RNF115: variants seen among roughly 807,000 people sequenced by gnomAD.
The protein encoded by RNF115 is E3 ubiquitin-protein ligase RNF115.
RNF115 carries 31 observed loss-of-function variants against 39.2 expected under a neutral mutation model. The ratio of observed to expected loss-of-function variants is 0.79; its 90% confidence interval spans 0.59 to 1.07. The LOEUF is 1.07. RNF115 is among the 50% of genes least tolerant of loss of function. RNF115 has a pLI of 0.00. For missense variants in RNF115, 384 were observed against 381.7 expected (o/e 1.01, Z -0.05); for synonymous variants, 124 against 131.0 (o/e 0.95, Z 0.37).
intron 1 of RNF115, among the ~76,000 whole-genome samples, chr1:145,796,078 G>A (rs1231254654): frequency 1.3e-5 from 2 of 152,104 alleles, no homozygotes; most frequent in African/African-American, 4.8e-5. Flanking sequence ...TAGATACTTG[G>A]AAACCCCAAA....
intron 4 of RNF115, 62 bp from the exon 5 acceptor site, chr1:145,753,111 C>T (rs2101468612): frequency 9.0e-7 from 1 of 1,109,658 alleles, no homozygotes; most frequent in Admixed American, 1.9e-5. Flanking sequence ...TACAGATATC[C>T]ATGGCTGCCT....
intron 1 of RNF115, among the ~76,000 whole-genome samples, chr1:145,790,010 T>C (rs1190594775): frequency 6.6e-6 from 1 of 152,116 alleles, no homozygotes; most frequent in Admixed American, 6.6e-5. Flanking sequence ...GGCCTAGTTT[T>C]TTCTATTATA....
intron 7 of RNF115, 93 bp from the exon 8 acceptor site, chr1:145,748,203 A>C: frequency 1.2e-6 from 1 of 808,250 alleles, no homozygotes; most frequent in Non-Finnish European, 2.1e-6. Context: ...CGAATGCATA[A>C]AGAAAAGACA....
At chr1:145,789,710 T>C (rs1188513292) in intron 1 of RNF115, among the ~76,000 whole-genome samples, 1 of 138,900 alleles carries the variant, frequency 7.2e-6, no homozygotes, top group African/African-American at 2.7e-5. Context: ...CTTTTTTTTT[T>C]TTTTTTTTTT....
At chr1:145,754,001 G>A (rs964870429) in intron 4 of RNF115, among the ~76,000 whole-genome samples, 4 of 151,824 alleles carry the variant, frequency 2.6e-5, no homozygotes, top group Non-Finnish European at 5.9e-5. Flanking sequence ...GAGCCACCAC[G>A]CCCAGCAATG....
intron 4 of RNF115, among the ~76,000 whole-genome samples, chr1:145,755,623 C>T (rs1386678760): frequency 3.3e-5 from 5 of 151,954 alleles, no homozygotes; most frequent in South Asian, 2.1e-4. Flanking sequence ...ATCTGGATAC[C>T]GGTGCCGCCA....
intron 1 of RNF115, among the ~76,000 whole-genome samples, chr1:145,811,894 A>AAAAAAAAAC: frequency 9.8e-6 from 1 of 101,528 alleles, no homozygotes; most frequent in African/African-American, 3.2e-5. Flanking sequence ...AAAAAAAAAA[A>AAAAAAAAAC]AAAAAAAAAA....
At position 145,742,332 on chromosome 1, in the gene RNF115, A is replaced by T. The variant is rs1300358935; in HGVS notation, c.*4534T>A. 3.9e-5 allele frequency: 6 copies of T among 152,144 alleles called. No individual in the cohort carries two copies. The East Asian group carries it at 5.8e-4, about 15-fold the overall frequency. The allele number at this position is 152,144 out of a possible 1,614,324, so 9.4% of individuals were successfully genotyped here. A position where few individuals can be genotyped will look rare whatever the true frequency, so the allele number is the denominator to read the frequency against. ...GTGTCAATAATTTGTCAGAAAAATTAAAAAAAATCAATAGATAACCGTATT... is the reference window on the plus strand; with the variant it reads ...GTGTCAATAATTTGTCAGAAAAATTTAAAAAAATCAATAGATAACCGTATT... On this transcript the variant is annotated 3_prime_UTR_variant, in exon 9 of 9. Coordinates refer to ENST00000582693, the MANE Select transcript of RNF115 (RefSeq NM_014455.4).
At chr1:145,753,598 TAC>T (rs1658178831) in intron 4 of RNF115, among the ~76,000 whole-genome samples, 1 of 152,212 alleles carries the variant, frequency 6.6e-6, no homozygotes, top group Admixed American at 6.5e-5. Flanking sequence ...ATGGCACAGG[TAC>T]ACAGTTCTTT....
rs1436923315 is a variant in RNF115 at position 145,787,653 on chromosome 1, A to C, written c.161+1255T>G. On this transcript the variant is annotated intron_variant, in intron 2 of 8. Transcript: ENST00000582693. ...TGTAATCCCAGCACTTTGGGAGGCC[A>C]AGGCAGGCGGATCACTTGAGGTCAG... is the stretch of plus-strand genomic sequence containing the variant. Among the ~76,000 whole-genome samples, 3 of 151,734 alleles carry C rather than the reference A, an allele frequency of 2.0e-5. No individual in the cohort carries two copies. In the East Asian group the frequency reaches 5.8e-4, roughly 29 times the overall value.
At chr1:145,818,206 T>A (rs1450818873) in intron 1 of RNF115, among the ~76,000 whole-genome samples, 1 of 152,188 alleles carries the variant, frequency 6.6e-6, no homozygotes, top group Non-Finnish European at 1.5e-5. Context: ...CTAATTTACA[T>A]TCTCACCGGC....
chr1:145,789,234 C>T (rs1359759797), intron 1 of RNF115, among the ~76,000 whole-genome samples: 1 of 151,998 alleles, frequency 6.6e-6, no homozygotes, highest in Admixed American at 6.6e-5. Flanking sequence ...TTCAGAGTAG[C>T]TAGGACCACA....
At chr1:145,761,379 G>A (rs151179262) in intron 4 of RNF115, among the ~76,000 whole-genome samples, 1 of 152,148 alleles carries the variant, frequency 6.6e-6, no homozygotes, top group Non-Finnish European at 1.5e-5. Flanking sequence ...AGGAAAAAGT[G>A]GTTTTGTGGG....
intron 1 of RNF115, among the ~76,000 whole-genome samples, chr1:145,807,716 G>T (rs1365450517): frequency 6.6e-6 from 1 of 151,992 alleles, no homozygotes; most frequent in Non-Finnish European, 1.5e-5. Flanking sequence ...TAGCTATTTT[G>T]AAATATACAT....
At chr1:145,766,741 G>A (rs587625879) in intron 4 of RNF115, among the ~76,000 whole-genome samples, 12 of 123,826 alleles carry the variant, frequency 9.7e-5, no homozygotes, top group Non-Finnish European at 1.8e-4. Context: ...TTCCCAGTAG[G>A]GGCGGCCGGG....
chr1:145,748,526 C>G (rs1306446421), intron 7 of RNF115, among the ~76,000 whole-genome samples: 2 of 152,174 alleles, frequency 1.3e-5, no homozygotes, highest in Non-Finnish European at 2.9e-5. Context: ...TTCATCTCAG[C>G]AATCTTATCA....
At chr1:145,747,059 C>T (rs1383774988) in intron 8 of RNF115, 62 bp from the exon 9 acceptor site, 3 of 1,508,028 alleles carry the variant, frequency 2.0e-6, no homozygotes, top group East Asian at 2.3e-5. Context: ...GAGTATTGTA[C>T]ACTTAAATAA....
intron 1 of RNF115, among the ~76,000 whole-genome samples, chr1:145,822,608 CTGGACACT>C (rs1650325134): frequency 6.7e-6 from 1 of 149,922 alleles, no homozygotes; most frequent in South Asian, 2.1e-4. Context: ...AAGACTGAAC[CTGGACACT>C]TGTAAGGAAA....
At chr1:145,798,170 G>C (rs12164506) in intron 1 of RNF115, among the ~76,000 whole-genome samples, 81,960 of 151,894 alleles carry the variant, frequency 0.54, 23,667 homozygotes, top group African/African-American at 0.74. Context: ...GCCTATTTTT[G>C]CTTTTGTTGC....
Sources: gnomAD v4.1 joint callset for allele counts (sites outside exome capture counted in the v4.1 genomes callset) on GRCh38, gnomAD v4.1.1 for gene constraint, MANE v1.5 for transcripts, NCBI Gene and HGNC (gene_info 2026-07-23, HGNC 2026-07-21) for gene names.